The following FABP3 variants were observed in gnomAD, a reference collection of about 807,000 sequenced individuals.
The protein encoded by FABP3 is fatty acid binding protein 3, also known as fatty acid-binding protein, heart.
In FABP3, 8 loss-of-function variants were observed where a neutral mutation model predicts 13.4. The observed-to-expected ratio is 0.60, with a 90% CI of 0.35 to 1.07. The LOEUF is 1.07. Ranked by LOEUF, FABP3 falls within the 50% of genes least tolerant of loss-of-function variation. The pLI, the probability that FABP3 is intolerant of heterozygous loss-of-function variation, is 0.02. For synonymous variants in FABP3, 64 were observed against 60.0 expected (o/e 1.07, Z -0.31); for missense variants, 135 against 164.7 (o/e 0.82, Z 0.99).
chr1:31,372,508 C>T (rs1640225390), intron 1 of FABP3, among the ~76,000 whole-genome samples: 1 of 152,152 alleles, frequency 6.6e-6, no homozygotes, highest in African/African-American at 2.4e-5. Flanking sequence ...CTTTTTCCTC[C>T]TAGGTATTTC....
At position 31,373,011 on chromosome 1, in the gene FABP3, C is replaced by T. The variant is rs556881362; in HGVS notation, c.4G>A (p.Val2Met). MVDAFLGTWKLV... is the reference protein window; with the variant it reads MMDAFLGTWKLV... ...TTCCAGGTGCCCAGGAAAGCGTCCA[C>T]CATAGTGATGCTGGGCTAGGCTGAG... is the stretch of plus-strand genomic sequence containing the variant. Residue 2 changes from valine to methionine, a missense_variant, in exon 1 of 4, where the codon GTG becomes ATG. Val to Met is a conservative substitution (Grantham distance 21). Transcript: ENST00000373713. The T allele has an allele frequency of 1.2e-6, 2 of 1,613,986 alleles. No individual in the cohort carries two copies. Among genetic ancestry groups the T allele is most frequent in the African/African-American group, 1.3e-5 (1 of 75,076 alleles).
downstream of FABP3, chr1:31,365,057 C>T (rs571060889): frequency 6.6e-6 from 1 of 152,358 alleles, no homozygotes; most frequent in Non-Finnish European, 1.5e-5. Context: ...GAGAGATGCC[C>T]AGCAGAGGTA....
At chr1:31,363,807 A>AATT (rs1640023242), downstream of FABP3, among the ~76,000 whole-genome samples, 2 of 152,066 alleles carry the variant, frequency 1.3e-5, no homozygotes, top group Admixed American at 1.3e-4. Context: ...GTGGTCCCCT[A>AATT]TTGATTGTGT....
At chr1:31,363,070 G>T (rs1046338407), downstream of FABP3, among the ~76,000 whole-genome samples, 1 of 151,746 alleles carries the variant, frequency 6.6e-6, no homozygotes, top group Non-Finnish European at 1.5e-5. Flanking sequence ...TATGTTATAC[G>T]CACTGGAACC....
Position 31,367,373 on chromosome 1 carries a change from T to C in FABP3, c.348+20A>G. On this transcript the variant is annotated intron_variant, in intron 3 of 3. Coordinates refer to ENST00000373713, the MANE Select transcript of FABP3 (RefSeq NM_004102.5). ...GTAGTAATAACCAATCAGATATAGC[T>C]CCAAAGTTGCCCATCTTACCAGGAT... is the stretch of plus-strand genomic sequence containing the variant. The C allele has an allele frequency of 2.5e-6, 4 of 1,597,938 alleles. No individual in the cohort carries two copies. Among genetic ancestry groups the C allele is most frequent in the Non-Finnish European group, 3.4e-6 (4 of 1,165,288 alleles).
chr1:31,366,063 TGTG>T, intron 3 of FABP3, 124 bp from the exon 4 acceptor site: 1 of 19,636 alleles, frequency 5.1e-5, no homozygotes, highest in East Asian at 3.7e-4. Context: ...TATGTATGTA[TGTG>T]TGTGTGTGTG....
chr1:31,365,937 T>A lies in FABP3; in HGVS notation c.351A>T (p.Thr117=). ...RELIDGKLIL[T]LTHGTAVCTR... is the part of the protein sequence containing the mutation. ...TGCAAACTGCAGTGCCGTGGGTGAG[T>A]GTCTGGAAGGAAAGACAGAGTGAGA... Residue 117 remains threonine, a splice_region_variant and synonymous_variant, in exon 4 of 4, where the codon ACA becomes ACT. Transcript: ENST00000373713. 1 of 1,613,702 alleles carries A rather than the reference T, an allele frequency of 6.2e-7. No homozygotes were observed. The highest frequency in any genetic ancestry group is 8.5e-7 in the Non-Finnish European group (1 of 1,179,910).
chr1:31,363,340 C>T (rs372597008), downstream of FABP3, among the ~76,000 whole-genome samples: 33 of 152,220 alleles, frequency 2.2e-4, no homozygotes, highest in South Asian at 6.2e-4. Context: ...CCTGCCACCA[C>T]GCCTGGCTAA....
chr1:31,369,306 C>G, intron 2 of FABP3, 79 bp downstream of exon 2: 2 of 1,478,924 alleles, frequency 1.4e-6, no homozygotes, highest in South Asian at 1.3e-5. Context: ...GGTGCAATAC[C>G]AGGGAGCCAA....
chr1:31,362,055 C>T (rs911512602), downstream of FABP3, among the ~76,000 whole-genome samples: 4 of 152,230 alleles, frequency 2.6e-5, no homozygotes, highest in Non-Finnish European at 5.9e-5. Flanking sequence ...CATGATCCAC[C>T]TGCCTTGGCC....
chr1:31,367,218 T>G (rs1446591705), intron 3 of FABP3, among the ~76,000 whole-genome samples, 175 bp downstream of exon 3: 1 of 152,186 alleles, frequency 6.6e-6, no homozygotes, highest in East Asian at 1.9e-4. Context: ...CCGGCCTGTG[T>G]GAGTCCAAAG....
intron 2 of FABP3, among the ~76,000 whole-genome samples, chr1:31,368,514 A>T (rs1270570689): frequency 6.6e-6 from 1 of 152,204 alleles, no homozygotes; most frequent in Non-Finnish European, 1.5e-5. Context: ...CACCATCCCC[A>T]GCTCTGCTGC....
At chr1:31,361,350 T>C (rs575287102), downstream of FABP3, among the ~76,000 whole-genome samples, 32 of 152,344 alleles carry the variant, frequency 2.1e-4, no homozygotes, top group African/African-American at 7.5e-4. Flanking sequence ...GAAAAATACA[T>C]ATAGCTCCCA....
chr1:31,369,655 TGGA>T, intron 1 of FABP3, 98 bp from the exon 2 acceptor site: 1 of 1,135,092 alleles, frequency 8.8e-7, no homozygotes, highest in Non-Finnish European at 1.3e-6. Flanking sequence ...TATGGGGAAG[TGGA>T]GGACTGTATC....
At chr1:31,360,504 T>C (rs1298939532), downstream of FABP3, among the ~76,000 whole-genome samples, 1 of 152,242 alleles carries the variant, frequency 6.6e-6, no homozygotes, top group African/African-American at 2.4e-5. Context: ...TCTTTTGTTC[T>C]GTAGCTCAAG....
chr1:31,363,444 A>G (rs1307438777), downstream of FABP3, among the ~76,000 whole-genome samples: 4 of 152,082 alleles, frequency 2.6e-5, no homozygotes, highest in Non-Finnish European at 5.9e-5. Flanking sequence ...CGGCCTCCCA[A>G]AGTGCTGGGA....
At chr1:31,361,224 C>G (rs764092045), downstream of FABP3, among the ~76,000 whole-genome samples, 2 of 152,204 alleles carry the variant, frequency 1.3e-5, no homozygotes, top group Non-Finnish European at 2.9e-5. Flanking sequence ...GTTGCCTTCT[C>G]TCTACTCCAT....
In FABP3 at chr1:31,373,020, T is replaced by C; in HGVS notation, c.-6A>G. The C allele has an allele frequency of 6.2e-7, 1 of 1,613,894 alleles. No homozygotes were observed. The highest frequency in any genetic ancestry group is 8.5e-7 in the Non-Finnish European group (1 of 1,179,976). ...CCCAGGAAAGCGTCCACCATAGTGA[T>C]GCTGGGCTAGGCTGAGAGAAGCTAC... On this transcript the variant is annotated 5_prime_UTR_variant, in exon 1 of 4. Coordinates refer to ENST00000373713, the MANE Select transcript of FABP3 (RefSeq NM_004102.5).
chr1:31,360,158 T>G, the FABP3 span, among the ~76,000 whole-genome samples: 1 of 151,050 alleles, frequency 6.6e-6, no homozygotes, highest in Non-Finnish European at 1.5e-5. Flanking sequence ...TTTGTTTTTG[T>G]GTGTGCGTGT....
Sources: gnomAD v4.1 joint callset for allele counts (sites outside exome capture counted in the v4.1 genomes callset) on GRCh38, gnomAD v4.1.1 for gene constraint, MANE v1.5 for transcripts, NCBI Gene and HGNC (gene_info 2026-07-23, HGNC 2026-07-21) for gene names.